Variants in ATP5MC2 observed in about 807,000 individuals in gnomAD.
The protein encoded by ATP5MC2 is ATP synthase F(0) complex subunit C2, mitochondrial.
A neutral mutation model predicts 13.5 loss-of-function variants in ATP5MC2; 11 were observed. The ratio of observed to expected loss-of-function variants is 0.81; its 90% CI spans 0.51 to 1.35. ATP5MC2 has a LOEUF of 1.35. Among genes scored for constraint, ATP5MC2 ranks in the 40% most tolerant of loss-of-function variants. ATP5MC2 has a pLI of 0.00. For synonymous variants in ATP5MC2, 64 were observed against 69.7 expected (o/e 0.92, Z 0.41); for missense variants, 132 against 175.0 (o/e 0.75, Z 1.39).
chr12:53,675,969 T>G, intron 1 of ATP5MC2, 84 bp downstream of exon 1: 1 of 1,553,052 alleles, frequency 6.4e-7, no homozygotes, highest in Non-Finnish European at 8.7e-7. Context: ...GCACGCAAGG[T>G]AAGCGCCTCA....
At chr12:53,674,523 T>C (rs760516217) in intron 1 of ATP5MC2, among the ~76,000 whole-genome samples, 2 of 152,272 alleles carry the variant, frequency 1.3e-5, no homozygotes, top group Non-Finnish European at 2.9e-5. Flanking sequence ...CTTTCTAATA[T>C]GTCACAGGCT....
chr12:53,667,421 G>A (rs1274010378), intron 4 of ATP5MC2, among the ~76,000 whole-genome samples: 3 of 152,144 alleles, frequency 2.0e-5, no homozygotes, highest in Non-Finnish European at 4.4e-5. Flanking sequence ...GGGCCACATT[G>A]TAAATAATTT....
upstream of ATP5MC2, chr12:53,676,318 T>A: frequency 1.4e-6 from 2 of 1,410,350 alleles, no homozygotes; most frequent in Non-Finnish European, 1.9e-6. Context: ...AGCCGATCCG[T>A]AACGTGGACT....
chr12:53,672,032 T>TGTG (rs2138035897), intron 2 of ATP5MC2, among the ~76,000 whole-genome samples: 2 of 136,334 alleles, frequency 1.5e-5, no homozygotes, highest in African/African-American at 5.7e-5. Flanking sequence ...AGGCGGAGGT[T>TGTG]GTGGTGGATC....
chr12:53,669,065 A>G (rs1168088711), intron 4 of ATP5MC2, 83 bp downstream of exon 4: 39 of 1,502,002 alleles, frequency 2.6e-5, no homozygotes, highest in Non-Finnish European at 3.4e-5. Flanking sequence ...ACAGTGTGGG[A>G]TAGTATAGTT....
upstream of ATP5MC2, among the ~76,000 whole-genome samples, chr12:53,679,238 C>CGAGAGAGAGAGAGAGA (rs59340879): frequency 3.7e-3 from 474 of 127,734 alleles, 21 homozygotes; most frequent in African/African-American, 0.013. Flanking sequence ...ATTTTAAAAA[C>CGAGAGAGAGAGAGAGA]GAGAGAGAGA....
intron 1 of ATP5MC2, 43 bp from the exon 2 acceptor site, chr12:53,672,688 A>C (rs765351849): frequency 2.6e-6 from 4 of 1,533,976 alleles, no homozygotes; most frequent in Non-Finnish European, 3.5e-6. Flanking sequence ...CTTATTCACT[A>C]AACTATATCC....
At chr12:53,677,597 G>C (rs1412412323), upstream of ATP5MC2, among the ~76,000 whole-genome samples, 12 of 152,214 alleles carry the variant, frequency 7.9e-5, no homozygotes. Flanking sequence ...AAGCGGGCGA[G>C]AAGAGGAGGG....
chr12:53,665,276 CA>C lies in ATP5MC2; in HGVS notation c.*37del. On this transcript the variant is annotated 3_prime_UTR_variant, in exon 5 of 5. Transcript: ENST00000394349. ...AGGAAAAGGAACACACGGGGCCAACCAGACGCGGGAGAACTATGGGAGGTGG... is the reference window on the plus strand; with the variant it reads ...AGGAAAAGGAACACACGGGGCCAACCGACGCGGGAGAACTATGGGAGGTGG... The C allele has an allele frequency of 6.4e-7, 1 of 1,556,868 alleles. No homozygotes were observed. The highest frequency in any genetic ancestry group is 8.8e-7 in the Non-Finnish European group (1 of 1,141,270).
upstream of ATP5MC2, among the ~76,000 whole-genome samples, chr12:53,679,238 C>CGAGAGAGAGAGAGAGAGAGAGA (rs59340879): frequency 4.7e-4 from 60 of 127,764 alleles, 3 homozygotes; most frequent in African/African-American, 1.9e-3. Context: ...ATTTTAAAAA[C>CGAGAGAGAGAGAGAGAGAGAGA]GAGAGAGAGA....
At position 53,672,591 on chromosome 12, in the gene ATP5MC2, G is replaced by C; in HGVS notation, c.24C>G (p.Val8=). Residue 8 remains valine (V), a synonymous_variant, in exon 2 of 5, where the codon GTC becomes GTG. Transcript: ENST00000394349. MFACSKF[V]STPSLVKSTS... is the part of the protein sequence containing the mutation. The stretch of plus-strand genomic sequence containing the variant: ...AGGTACTCACCAAGGAGGGAGTGGA[G>C]ACAAACTTGGAGCAGGCGAACATTT... 1 of 1,582,078 alleles carries C rather than the reference G, an allele frequency of 6.3e-7. No individual in the cohort carries two copies. The highest frequency in any genetic ancestry group is 1.3e-5 in the African/African-American group (1 of 74,784).
chr12:53,675,843 G>A (rs1271805859), intron 1 of ATP5MC2, among the ~76,000 whole-genome samples: 1 of 152,206 alleles, frequency 6.6e-6, no homozygotes, highest in Non-Finnish European at 1.5e-5. Context: ...CTCCCCCTGC[G>A]AGACATCCAA....
chr12:53,676,172 A>G (rs2120415180), upstream of ATP5MC2: 5 of 1,614,246 alleles, frequency 3.1e-6, no homozygotes, highest in Middle Eastern at 6.6e-4. Context: ...TGATTGCAAC[A>G]TACAGGATCA....
chr12:53,675,968 G>A (rs1261641279), intron 1 of ATP5MC2, 85 bp downstream of exon 1: 3 of 1,551,218 alleles, frequency 1.9e-6, no homozygotes, highest in Non-Finnish European at 2.6e-6. Context: ...AGCACGCAAG[G>A]TAAGCGCCTC....
At chr12:53,675,091 ACT>A (rs1240610933) in intron 1 of ATP5MC2, among the ~76,000 whole-genome samples, 6 of 152,136 alleles carry the variant, frequency 3.9e-5, no homozygotes, top group African/African-American at 1.4e-4. Context: ...AACCATGGCA[ACT>A]CTGCAATTGT....
Position 53,665,295 on chromosome 12 carries a change from G to T in ATP5MC2, c.*19C>A, listed in dbSNP as rs200980309. On this transcript the variant is annotated 3_prime_UTR_variant, in exon 5 of 5. Coordinates refer to ENST00000394349, the MANE Select transcript of ATP5MC2 (RefSeq NM_005176.7). ...GCCAACCAGACGCGGGAGAACTATG[G>T]GAGGTGGAGACGGCTCCTTCACATG... 2.5e-6 allele frequency: 4 copies of T among 1,590,802 alleles called. No homozygotes were observed. The highest frequency in any genetic ancestry group is 3.4e-6 in the Non-Finnish European group (4 of 1,165,112).
At chr12:53,678,340 T>TCAC (rs374475099), upstream of ATP5MC2, among the ~76,000 whole-genome samples, 79 of 151,442 alleles carry the variant, frequency 5.2e-4, 1 homozygote, top group African/African-American at 1.5e-3. Context: ...ATCATCATCG[T>TCAC]CACCACCACC....
chr12:53,679,900 C>T (rs1260178962), upstream of ATP5MC2, among the ~76,000 whole-genome samples: 3 of 152,178 alleles, frequency 2.0e-5, no homozygotes, highest in Non-Finnish European at 4.4e-5. Context: ...AGGGAGGAAT[C>T]AGTAGGAGAG....
At chr12:53,666,303 C>T (rs1264912493) in intron 4 of ATP5MC2, among the ~76,000 whole-genome samples, 3 of 151,608 alleles carry the variant, frequency 2.0e-5, no homozygotes, top group Non-Finnish European at 2.9e-5. Flanking sequence ...AATTGCTGGG[C>T]GCAGTGGCTC....
Sources: gnomAD v4.1 joint callset for allele counts (sites outside exome capture counted in the v4.1 genomes callset) on GRCh38, gnomAD v4.1.1 for gene constraint, MANE v1.5 for transcripts, NCBI Gene and HGNC (gene_info 2026-07-23, HGNC 2026-07-21) for gene names.